MMAA: variants seen among roughly 807,000 people sequenced by gnomAD.
MMAA encodes the protein metabolism of cobalamin associated A.
MMAA carries 41 observed loss-of-function variants against 45.0 expected under a neutral mutation model. The observed-to-expected ratio is 0.91, with a 90% confidence interval of 0.71 to 1.18. The LOEUF is 1.18. MMAA is among the 50% of genes most tolerant of loss of function. MMAA has a pLI of 0.00. For synonymous variants in MMAA, 154 were observed against 178.2 expected (o/e 0.86, Z 1.08); for missense variants, 460 against 495.7 (o/e 0.93, Z 0.68).
Position 145,655,418 on chromosome 4 carries a change from T to G in MMAA, c.1241T>G (p.Phe414Cys). ...GLAADFLLKA[F>C]KSRD Reference sequence around the variant, plus strand: ...GCAGCAGACTTCTTGTTAAAAGCTTTTAAAAGCAGAGACTAATAAAATTCA... The same window carrying G: ...GCAGCAGACTTCTTGTTAAAAGCTTGTAAAAGCAGAGACTAATAAAATTCA... The change falls in exon 7 of 7, where the codon TTT becomes TGT. Residue 414 changes from phenylalanine (F) to cysteine (C), a missense_variant. By Grantham distance (205) the Phe-to-Cys change is radical. Coordinates refer to ENST00000649156, the MANE Select transcript of MMAA (RefSeq NM_172250.3). The G allele has an allele frequency of 6.2e-7, 1 of 1,611,446 alleles. No individual in the cohort carries two copies. Among genetic ancestry groups the G allele is most frequent in the Non-Finnish European group, 8.5e-7 (1 of 1,179,212 alleles).
At chr4:145,620,245 A>G (rs1734063330) in intron 1 of MMAA, among the ~76,000 whole-genome samples, 1 of 152,232 alleles carries the variant, frequency 6.6e-6, no homozygotes, top group Non-Finnish European at 1.5e-5. Context: ...AAAGTCAAAG[A>G]CAAGGACAGG....
intron 4 of MMAA, among the ~76,000 whole-genome samples, chr4:145,648,023 A>ATT (rs771723312): frequency 4.6e-5 from 6 of 130,862 alleles, no homozygotes; most frequent in East Asian, 2.2e-4. Flanking sequence ...TGCCCAGCTA[A>ATT]TTTTTTTTTT....
At chr4:145,645,942 C>T (rs760107279) in intron 3 of MMAA, 44 bp from the exon 4 acceptor site, 20 of 1,599,484 alleles carry the variant, frequency 1.3e-5, no homozygotes, top group Admixed American at 1.0e-4. Context: ...ATAATTGACC[C>T]GTAAAACTGT....
At chr4:145,625,207 CTT>C in intron 1 of MMAA, 1 of 1,407,866 alleles carries the variant, frequency 7.1e-7, no homozygotes, top group Non-Finnish European at 1.0e-6. Flanking sequence ...GGCTGTTACA[CTT>C]TTGATAACTT....
intron 6 of MMAA, 148 bp downstream of exon 6, chr4:145,654,291 A>C: frequency 1.0e-6 from 1 of 972,922 alleles, no homozygotes; most frequent in Non-Finnish European, 1.6e-6. Flanking sequence ...CGGAGTGTGT[A>C]GTCATGATTT....
At chr4:145,631,936 G>C (rs576891117) in intron 1 of MMAA, among the ~76,000 whole-genome samples, 17 of 152,110 alleles carry the variant, frequency 1.1e-4, no homozygotes, top group Non-Finnish European at 1.5e-5. Context: ...CTGCCTTACC[G>C]TGATCCCTGG....
intron 1 of MMAA, chr4:145,624,395 T>A: frequency 2.6e-6 from 2 of 782,964 alleles, no homozygotes; most frequent in Non-Finnish European, 4.6e-6. Context: ...GCCAGTCAGC[T>A]GTGTTAAAGG....
In MMAA at chr4:145,654,101, A is replaced by T. The variant is rs769082931; in HGVS notation, c.927A>T (p.Ala309=). ...ARRIQAEYVS[A]LKLLRKRSQV... ...GGATACAAGCGGAATATGTGAGTGC[A>T]CTGAAATTACTCCGCAAACGTTCAC... The change falls in exon 6 of 7, where the codon GCA becomes GCT. Residue 309 remains alanine (A), a synonymous_variant. Coordinates refer to ENST00000649156, the MANE Select transcript of MMAA (RefSeq NM_172250.3). The T allele has an allele frequency of 6.2e-7, 1 of 1,614,070 alleles. No homozygotes were observed. Among genetic ancestry groups the T allele is most frequent in the Non-Finnish European group, 8.5e-7 (1 of 1,180,030 alleles).
chr4:145,652,623 G>C (rs1276841831), intron 5 of MMAA, among the ~76,000 whole-genome samples: 1 of 151,932 alleles, frequency 6.6e-6, no homozygotes, highest in Non-Finnish European at 1.5e-5. Flanking sequence ...CCAGCTACTT[G>C]GGAGGCTGAG....
rs1173718422 is a variant in MMAA at position 145,625,345 on chromosome 4, C to T, written c.-66+5938C>T. The T allele has an allele frequency of 4.3e-6, 3 of 705,504 alleles. No homozygotes were observed. In the African/African-American group the frequency reaches 5.2e-5, roughly 12 times the overall value. 43.7% of individuals were successfully genotyped at this position (705,504 alleles called of 1,614,324 possible). A position where few individuals can be genotyped will look rare whatever the true frequency, so the allele number is the denominator to read the frequency against. On this transcript the variant is annotated intron_variant, in intron 1 of 6. Transcript: ENST00000649156. ...AAGTCTGTCTATTCTCCAAGGTCTG[C>T]TTTTTGGTGAGCCAGTCCTGGGGGT...
chr4:145,640,596 C>T (rs1578878601), intron 2 of MMAA, among the ~76,000 whole-genome samples: 1 of 152,034 alleles, frequency 6.6e-6, no homozygotes, highest in South Asian at 2.1e-4. Context: ...CTCAAGCAGT[C>T]CTCCCACCTT....
At position 145,659,139 on chromosome 4, in the gene MMAA, T is replaced by A. The variant is rs1728321901; in HGVS notation, c.*3705T>A. 6.6e-6 allele frequency: 1 copy of A among 152,204 alleles called. No individual in the cohort carries two copies. Among genetic ancestry groups the A allele is most frequent in the African/African-American group, 2.4e-5 (1 of 41,460 alleles). 9.4% of individuals were successfully genotyped at this position (152,204 alleles called of 1,614,324 possible). A position where few individuals can be genotyped will look rare whatever the true frequency, so the allele number is the denominator to read the frequency against. ...AATCAGAAAAACTCTTTAACAAATGTTTTTCTTTCCGTAGTATTTTAATTA... is the reference window on the plus strand; with the variant it reads ...AATCAGAAAAACTCTTTAACAAATGATTTTCTTTCCGTAGTATTTTAATTA... On this transcript the variant is annotated 3_prime_UTR_variant, in exon 7 of 7. Coordinates refer to ENST00000649156, the MANE Select transcript of MMAA (RefSeq NM_172250.3).
chr4:145,642,104 G>T (rs1727804189), intron 2 of MMAA, among the ~76,000 whole-genome samples: 2 of 152,096 alleles, frequency 1.3e-5, no homozygotes, highest in South Asian at 4.1e-4. Flanking sequence ...ATAGTACAAA[G>T]GCAAAGCATG....
rs1045914660 is a variant in MMAA at position 145,624,189 on chromosome 4, C to A, written c.-66+4782C>A. On this transcript the variant is annotated intron_variant, in intron 1 of 6. Coordinates refer to ENST00000649156, the MANE Select transcript of MMAA (RefSeq NM_172250.3). ...TCTGTAGAGGAGTTTGATATAACCA[C>A]TTCTTTTTATCAACTTTAAGCTGCA... 3.4e-6 allele frequency: 3 copies of A among 873,736 alleles called. No homozygotes were observed. In the East Asian group the frequency reaches 7.2e-5, roughly 21 times the overall value. 54.1% of individuals were successfully genotyped at this position (873,736 alleles called of 1,614,324 possible). A position where few individuals can be genotyped will look rare whatever the true frequency, so the allele number is the denominator to read the frequency against.
Position 145,636,036 on chromosome 4 carries a change from A to C in MMAA, c.-65-3039A>C, listed in dbSNP as rs527950372. Among the ~76,000 whole-genome samples, 4 of 152,312 alleles carry C rather than the reference A, an allele frequency of 2.6e-5. No homozygotes were observed. The South Asian group carries it at 8.3e-4, about 32-fold the overall frequency. ...TTTCCCCCTTCTGTTAAATGAAAAT[A>C]ATAACTGTTGTACTGTCCTCATGGA... On this transcript the variant is annotated intron_variant, in intron 1 of 6. Transcript: ENST00000649156.
chr4:145,641,579 C>T (rs968838430), intron 2 of MMAA, among the ~76,000 whole-genome samples: 12 of 152,210 alleles, frequency 7.9e-5, no homozygotes, highest in Non-Finnish European at 1.3e-4. Flanking sequence ...ATGCCATGCA[C>T]TGTTCTAAAC....
chr4:145,628,172 A>T (rs1396848128), intron 1 of MMAA, among the ~76,000 whole-genome samples: 1 of 152,366 alleles, frequency 6.6e-6, no homozygotes, highest in South Asian at 2.1e-4. Flanking sequence ...AGTAGTTATT[A>T]GGCATTTCTT....
chr4:145,642,447 C>G lies in MMAA; in HGVS notation c.524C>G (p.Ser175Cys), dbSNP rs1398257098. ...CTTACTGAGAGAGGGCACAAATTAT[C>G]TGTGCTAGCTGTGGACCCTTCTTCT... is the stretch of plus-strand genomic sequence containing the variant. ...KMLTERGHKL[S>C]VLAVDPSSCT... The change falls in exon 3 of 7, where the codon TCT (serine) becomes TGT (cysteine). Residue 175 changes from serine to cysteine, a missense_variant. Transcript: ENST00000649156. The G allele has an allele frequency of 1.9e-6, 3 of 1,614,022 alleles. No individual in the cohort carries two copies. In the East Asian group the frequency reaches 6.7e-5, roughly 36 times the overall value.
intron 1 of MMAA, among the ~76,000 whole-genome samples, chr4:145,628,456 G>A (rs913906146): frequency 2.6e-5 from 4 of 152,178 alleles, no homozygotes; most frequent in Non-Finnish European, 4.4e-5. Flanking sequence ...TCTATAGGTT[G>A]TCCTCATTCC....
Sources: gnomAD v4.1 joint callset for allele counts (sites outside exome capture counted in the v4.1 genomes callset) on GRCh38, gnomAD v4.1.1 for gene constraint, MANE v1.5 for transcripts, NCBI Gene and HGNC (gene_info 2026-07-23, HGNC 2026-07-21) for gene names.